Variants in CMKLR2 observed in about 807,000 individuals in gnomAD.
The protein encoded by CMKLR2 is chemerin-like receptor 2.
Under a neutral mutation model 23.0 loss-of-function variants are expected in CMKLR2, and 18 were observed. That is an observed-to-expected ratio of 0.78 (90% CI 0.54 to 1.16). CMKLR2 has a LOEUF of 1.16. Ranked by LOEUF, CMKLR2 falls within the 50% of genes most tolerant of loss-of-function variation. CMKLR2 has a pLI of 0.00. For synonymous variants in CMKLR2, 158 were observed against 158.9 expected (o/e 0.99, Z 0.05); for missense variants, 401 against 412.7 (o/e 0.97, Z 0.25).
upstream of CMKLR2, among the ~76,000 whole-genome samples, chr2:206,214,202 C>G (rs1412864284): frequency 8.4e-6 from 1 of 118,802 alleles, no homozygotes; most frequent in Non-Finnish European, 1.8e-5. Flanking sequence ...GAGACGGAGT[C>G]TCGCTGTTGC....
intron 1 of CMKLR2, among the ~76,000 whole-genome samples, chr2:206,209,672 G>A (rs530101251): frequency 4.4e-4 from 65 of 147,466 alleles, no homozygotes; most frequent in African/African-American, 1.3e-3. Flanking sequence ...TTTTTGAGAC[G>A]GAGTCTTGCT....
chr2:206,193,433 T>A (rs1342291272), intron 1 of CMKLR2, among the ~76,000 whole-genome samples: 1 of 152,214 alleles, frequency 6.6e-6, no homozygotes, highest in Non-Finnish European at 1.5e-5. Flanking sequence ...TACAAGTAAC[T>A]TTTTATCAGG....
At chr2:206,200,664 A>G (rs1689065253) in intron 1 of CMKLR2, among the ~76,000 whole-genome samples, 1 of 152,192 alleles carries the variant, frequency 6.6e-6, no homozygotes, top group African/African-American at 2.4e-5. Flanking sequence ...GGATCTTGCT[A>G]TGTTGCCCAG....
In CMKLR2 at chr2:206,176,124, A is replaced by G. The variant is rs925362697; in HGVS notation, c.*56T>C. On this transcript the variant is annotated 3_prime_UTR_variant, in exon 2 of 2. Coordinates refer to ENST00000621141, the MANE Select transcript of CMKLR2 (RefSeq NM_001389445.1). The stretch of plus-strand genomic sequence containing the variant: ...TTGGAAACAATTTTAATCTGAAAGC[A>G]TCAGTCAGAGGACCCACATAAAAAG... The G allele has an allele frequency of 3.2e-6, 4 of 1,239,210 alleles. No homozygotes were observed. Among genetic ancestry groups the G allele is most frequent in the East Asian group, 2.3e-5 (1 of 42,792 alleles). 76.8% of individuals were successfully genotyped at this position (1,239,210 alleles called of 1,614,324 possible).
chr2:206,181,672 G>A (rs1688417144), intron 1 of CMKLR2, among the ~76,000 whole-genome samples: 1 of 152,190 alleles, frequency 6.6e-6, no homozygotes, highest in South Asian at 2.1e-4. Context: ...ATCATAAGGG[G>A]CTGAGAGCAG....
intron 1 of CMKLR2, among the ~76,000 whole-genome samples, chr2:206,182,714 G>A (rs553878445): frequency 7.3e-5 from 11 of 151,512 alleles, no homozygotes; most frequent in African/African-American, 2.4e-4. Flanking sequence ...TTTGTCCCCC[G>A]AGTTCAAGTG....
intron 1 of CMKLR2, among the ~76,000 whole-genome samples, chr2:206,208,555 T>C (rs1165330185): frequency 1.3e-5 from 2 of 152,066 alleles, no homozygotes; most frequent in African/African-American, 2.4e-5. Context: ...ACAAATGTTA[T>C]GCTTACTATG....
chr2:206,211,435 C>T (rs902660806), intron 1 of CMKLR2, among the ~76,000 whole-genome samples: 8 of 152,030 alleles, frequency 5.3e-5, no homozygotes, highest in Non-Finnish European at 1.0e-4. Flanking sequence ...AGCAATTTTC[C>T]TGTCTTAGCC....
At chr2:206,186,959 G>A (rs1316271229) in intron 1 of CMKLR2, among the ~76,000 whole-genome samples, 4 of 152,026 alleles carry the variant, frequency 2.6e-5, no homozygotes, top group South Asian at 2.1e-4. Flanking sequence ...AGGCTGAGGC[G>A]AGGGGACTGC....
intron 1 of CMKLR2, among the ~76,000 whole-genome samples, chr2:206,206,015 A>C (rs1283761260): frequency 6.6e-6 from 1 of 152,028 alleles, no homozygotes; most frequent in African/African-American, 2.4e-5. Flanking sequence ...GTGTATTATA[A>C]TCCTTCCTAC....
intron 1 of CMKLR2, among the ~76,000 whole-genome samples, chr2:206,188,398 A>C (rs1688648529): frequency 6.6e-6 from 1 of 152,224 alleles, no homozygotes; most frequent in South Asian, 2.1e-4. Flanking sequence ...CTTGACAGAA[A>C]AGAAGAAATA....
chr2:206,194,387 C>T (rs530149122), intron 1 of CMKLR2, among the ~76,000 whole-genome samples: 1 of 151,354 alleles, frequency 6.6e-6, no homozygotes, highest in South Asian at 2.1e-4. Flanking sequence ...TGCTCGTTGA[C>T]CACAACTAAA....
rs1184026287 is a variant in CMKLR2, at chr2:206,176,491, C to T, written c.757G>A (p.Val253Met). The change falls in exon 2 of 2, where the codon GTG becomes ATG. Residue 253 changes from valine (V) to methionine (M), a missense_variant. Val to Met is a conservative substitution (Grantham distance 21, BLOSUM62 1). Coordinates refer to ENST00000621141, the MANE Select transcript of CMKLR2 (RefSeq NM_001389445.1). ...GGAGTCCAGCAAACCACAAAGGCCA[C>T]AACCACAACCAGAATTGTCCAGAAA... ...RHFWTILVVV[V>M]AFVVCWTPYH... 2 of 1,614,050 alleles carry T rather than the reference C, an allele frequency of 1.2e-6. No homozygotes were observed. Among genetic ancestry groups the T allele is most frequent in the Non-Finnish European group, 1.7e-6 (2 of 1,180,040 alleles).
intron 1 of CMKLR2, among the ~76,000 whole-genome samples, chr2:206,182,554 C>T (rs1688447927): frequency 6.6e-6 from 1 of 152,060 alleles, no homozygotes. Flanking sequence ...AATTTTAAAA[C>T]TTCAGGTGAG....
At chr2:206,196,395 T>TAAAA (rs1307709205) in intron 1 of CMKLR2, among the ~76,000 whole-genome samples, 5 of 151,304 alleles carry the variant, frequency 3.3e-5, no homozygotes, top group African/African-American at 4.9e-5. Context: ...AAAATAAAAA[T>TAAAA]AAATAAATAA....
intron 1 of CMKLR2, among the ~76,000 whole-genome samples, chr2:206,185,355 G>GGT (rs1334639815): frequency 1.3e-5 from 2 of 152,192 alleles, no homozygotes; most frequent in Non-Finnish European, 2.9e-5. Context: ...GCTTGACAGA[G>GGT]GTGAGGGAAT....
chr2:206,199,871 C>T (rs1040696090), intron 1 of CMKLR2, among the ~76,000 whole-genome samples: 1 of 152,002 alleles, frequency 6.6e-6, no homozygotes, highest in Admixed American at 6.6e-5. Flanking sequence ...CGTGAGACAC[C>T]GTGCCCGGCC....
At chr2:206,209,718 G>A (rs1328875076) in intron 1 of CMKLR2, among the ~76,000 whole-genome samples, 2 of 149,416 alleles carry the variant, frequency 1.3e-5, no homozygotes, top group East Asian at 2.0e-4. Context: ...GCATGATCTC[G>A]GCTCACTGCA....
intron 1 of CMKLR2, among the ~76,000 whole-genome samples, chr2:206,210,226 A>G (rs1026008437): frequency 3.3e-5 from 5 of 151,940 alleles, no homozygotes; most frequent in African/African-American, 1.2e-4. Flanking sequence ...TTACAGGCCT[A>G]AGCCACCATG....
Sources: allele counts gnomAD v4.1 joint callset (sites outside exome capture counted in the v4.1 genomes callset), GRCh38; gene constraint gnomAD v4.1.1; transcripts MANE v1.5; gene names NCBI Gene and HGNC (gene_info 2026-07-23, HGNC 2026-07-21).